Variants in SPTB observed in about 807,000 individuals in gnomAD.
The protein encoded by SPTB is spectrin beta, erythrocytic.
SPTB carries 45 observed loss-of-function variants against 256.2 expected under a neutral mutation model. That is an observed-to-expected ratio of 0.18 (90% confidence interval 0.14 to 0.23). The LOEUF is 0.23. Among genes scored for constraint, SPTB ranks in the 10% least tolerant of loss-of-function variants. The pLI, the probability that SPTB is intolerant of heterozygous loss-of-function variation, is 1.00. For missense variants in SPTB, 2,715 were observed against 3,040.4 expected, an observed-to-expected ratio of 0.89 and a Z score of 2.52; for synonymous variants, 1,231 against 1,243.1, an observed-to-expected ratio of 0.99 and a Z score of 0.21.
rs7146475 is a variant in SPTB, at chr14:64,845,849, T to C, written c.-51-22704A>G. On this transcript the variant is annotated intron_variant, in intron 1 of 35. Coordinates refer to ENST00000644917, the MANE Select transcript of SPTB (RefSeq NM_001355436.2). The surrounding 1 kb of genome is among the most constrained non-coding windows in gnomAD (Gnocchi z 4.8). Reference sequence around the variant, plus strand: ...TAATTTTTAATGTGTGTGTGTGTTATTTATGAAACACATTTCATGGTCAGG... The same window carrying C: ...TAATTTTTAATGTGTGTGTGTGTTACTTATGAAACACATTTCATGGTCAGG... Among the ~76,000 whole-genome samples the C allele has an allele frequency of 0.076, 11,520 of 152,288 alleles. 675 individuals are homozygous for C. Among genetic ancestry groups the C allele is most frequent in the South Asian group, 0.2 (975 of 4,816 alleles).
chr14:64,766,586 T>C, intron 32 of SPTB, 140 bp downstream of exon 32: 1 of 1,598,678 alleles, frequency 6.3e-7, no homozygotes, highest in Non-Finnish European at 8.5e-7. Context: ...TGCTGGGAGG[T>C]GGCTGCAGGG....
rs1270020211 is a variant in SPTB at position 64,750,143 on chromosome 14, T to C, written c.6614A>G (p.Asn2205Ser). The change falls in exon 34 of 36, where the codon AAC becomes AGC. Residue 2205 changes from asparagine (N) to serine (S), a missense_variant. Asn to Ser is a conservative substitution (Grantham distance 46). Transcript: ENST00000644917. ...NKKASNRSWN[N>S]LYCVLRNSEL... is the part of the protein sequence containing the mutation. The stretch of plus-strand genomic sequence containing the variant: ...ACTGTTCCTGAGCACACAGTACAGG[T>C]TGTTCCAGGACCTGCAAAGATGCAG... 4.3e-6 allele frequency: 7 copies of C among 1,612,532 alleles called. No homozygotes were observed. The highest frequency in any genetic ancestry group is 5.9e-6 in the Non-Finnish European group (7 of 1,178,722).
Position 64,841,820 on chromosome 14 carries a change from G to A in SPTB, c.-51-18675C>T, listed in dbSNP as rs1044302516. Among the ~76,000 whole-genome samples, 30 of 152,128 alleles carry A rather than the reference G, an allele frequency of 2.0e-4. No individual in the cohort carries two copies. The highest frequency in any genetic ancestry group is 4.2e-4 in the South Asian group (2 of 4,818). On this transcript the variant is annotated intron_variant, in intron 1 of 35. Coordinates refer to ENST00000644917, the MANE Select transcript of SPTB (RefSeq NM_001355436.2). The surrounding 1 kb of genome is among the most constrained non-coding windows in gnomAD (Gnocchi z 4.6). ...TATTTGCAAAAGAAGGGAAACCCCC[G>A]CGTATGGAACCAGAAGAGGGTTTCT... is the stretch of plus-strand genomic sequence containing the variant.
In SPTB at chr14:64,749,965, G is replaced by T. The variant is rs775616758; in HGVS notation, c.6776+16C>A. On this transcript the variant is annotated intron_variant, in intron 34 of 35. Transcript: ENST00000644917. The surrounding 1 kb of genome is among the most constrained non-coding windows in gnomAD (Gnocchi z 4.7). ...AAGCCATCAACCCGAGCTTTCAAAG[G>T]CCAGGAAGGCCTCACCTCAGCTTAA... is the stretch of plus-strand genomic sequence containing the variant. The T allele has an allele frequency of 1.4e-5, 23 of 1,614,060 alleles. No individual in the cohort carries two copies. The highest frequency in any genetic ancestry group is 1.9e-5 in the Non-Finnish European group (22 of 1,180,048).
rs377560569 is a variant in SPTB, at chr14:64,786,477, G to A, written c.3488C>T (p.Thr1163Ile). Residue 1163 changes from threonine (T) to isoleucine (I), a missense_variant, in exon 16 of 36, where the codon ACC (threonine) becomes ATC (isoleucine). Thr to Ile is a moderately conservative substitution (Grantham distance 89). Coordinates refer to ENST00000644917, the MANE Select transcript of SPTB (RefSeq NM_001355436.2). This position sits in a 1 kb window ranked among gnomAD's most constrained non-coding sequence, Gnocchi z 5.6. ...CTGGAAGCCAAGGCACTGAGCGAGG[G>A]TGTGGCTGCGGCTCTCCCACATCCT... Reference protein sequence around the residue: ...LGRMWESRSHTLAQCLGFQEF... With the variant: ...LGRMWESRSHILAQCLGFQEF... 4.3e-6 allele frequency: 7 copies of A among 1,614,142 alleles called. No individual in the cohort carries two copies. Among genetic ancestry groups the A allele is most frequent in the Non-Finnish European group, 5.9e-6 (7 of 1,180,028 alleles).
At chr14:64,803,503 G>T in intron 4 of SPTB, 104 bp downstream of exon 4, 1 of 1,433,240 alleles carries the variant, frequency 7.0e-7, no homozygotes, top group Non-Finnish European at 9.8e-7. Context: ...AGCCTTCCCA[G>T]AATGTGCACT....
intron 2 of SPTB, among the ~76,000 whole-genome samples, chr14:64,813,539 C>T (rs1376760706): frequency 2.6e-5 from 4 of 151,962 alleles, no homozygotes; most frequent in Non-Finnish European, 2.9e-5. Context: ...GTTTGTTTTT[C>T]GAGATGGAGT....
chr14:64,768,602 T>G (rs962324091), intron 29 of SPTB, among the ~76,000 whole-genome samples: 5 of 151,938 alleles, frequency 3.3e-5, no homozygotes, highest in Non-Finnish European at 7.4e-5. Context: ...TGCTTGACAT[T>G]CCTCATGAGG....
chr14:64,748,063 G>C lies in SPTB; in HGVS notation c.*1243C>G, dbSNP rs2081876492. ...GTGACCCCCTCCCCGCCAAGACCTG[G>C]GGCCAGGACGTGGAGAAGCTGATCA... On this transcript the variant is annotated 3_prime_UTR_variant, in exon 36 of 36. Coordinates refer to ENST00000644917, the MANE Select transcript of SPTB (RefSeq NM_001355436.2). 1 of 152,160 alleles carries C rather than the reference G, an allele frequency of 6.6e-6. No individual in the cohort carries two copies. Among genetic ancestry groups the C allele is most frequent in the Non-Finnish European group, 1.5e-5 (1 of 68,112 alleles). The allele number at this position is 152,160 out of a possible 1,614,324, so 9.4% of individuals were successfully genotyped here. A position where few individuals can be genotyped will look rare whatever the true frequency, so the allele number is the denominator to read the frequency against.
chr14:64,856,290 C>T (rs1215455441), intron 1 of SPTB, among the ~76,000 whole-genome samples: 1 of 152,148 alleles, frequency 6.6e-6, no homozygotes, highest in Non-Finnish European at 1.5e-5. Flanking sequence ...GGCCAAGAGT[C>T]CTTCCCAAAC....
At chr14:64,879,637 C>A (rs1171441439) in intron 1 of SPTB, among the ~76,000 whole-genome samples, 155 bp downstream of exon 1, 1 of 152,118 alleles carries the variant, frequency 6.6e-6, no homozygotes, top group African/African-American at 2.4e-5. Flanking sequence ...TCCCACCCCA[C>A]GCCCGACAAC....
At chr14:64,810,140 G>A (rs1039763113) in intron 2 of SPTB, among the ~76,000 whole-genome samples, 1 of 152,194 alleles carries the variant, frequency 6.6e-6, no homozygotes, top group Non-Finnish European at 1.5e-5. Context: ...TAGTAAAACT[G>A]TGTTGTACTA....
At chr14:64,798,273 C>T (rs2082814930) in intron 9 of SPTB, among the ~76,000 whole-genome samples, 1 of 152,150 alleles carries the variant, frequency 6.6e-6, no homozygotes, top group African/African-American at 2.4e-5. Flanking sequence ...CAATAAAACC[C>T]CAGAAGCAGC....
At position 64,826,021 on chromosome 14, in the gene SPTB, AC is replaced by A. The variant is rs1320246963; in HGVS notation, c.-51-2877del. Among the ~76,000 whole-genome samples the A allele has an allele frequency of 6.6e-6, 1 of 152,200 alleles. No individual in the cohort carries two copies. The highest frequency in any genetic ancestry group is 1.5e-5 in the Non-Finnish European group (1 of 68,042). On this transcript the variant is annotated intron_variant, in intron 1 of 35. Coordinates refer to ENST00000644917, the MANE Select transcript of SPTB (RefSeq NM_001355436.2). This position sits in a 1 kb window ranked among gnomAD's most constrained non-coding sequence, Gnocchi z 4.4. Reference sequence around the variant, plus strand: ...TTTGGAAAGAGTCAGGTCCCTGAAAACAAACACCAAGGAAAGATGATTCAGA... The same window carrying A: ...TTTGGAAAGAGTCAGGTCCCTGAAAAAAACACCAAGGAAAGATGATTCAGA...
In SPTB at chr14:64,785,889, C is replaced by G; in HGVS notation, c.3624G>C (p.Arg1208=). 6.2e-7 allele frequency: 1 copy of G among 1,614,160 alleles called. No individual in the cohort carries two copies. Among genetic ancestry groups the G allele is most frequent in the African/African-American group, 1.3e-5 (1 of 75,036 alleles). ...TAGACCCCAAGAAATCCTCAAACTT[C>G]CGGATCCCAGCCTCTGCAGCTTCCA... ...DSLEAAEAGI[R]KFEDFLGSME... is the part of the protein sequence containing the mutation. Residue 1208 remains arginine, a synonymous_variant, in exon 17 of 36, where the codon CGG becomes CGC. Coordinates refer to ENST00000644917, the MANE Select transcript of SPTB (RefSeq NM_001355436.2). This position sits in a 1 kb window ranked among gnomAD's most constrained non-coding sequence, Gnocchi z 4.4.
At position 64,772,980 on chromosome 14, in the gene SPTB, G is replaced by A. The variant is rs754189933; in HGVS notation, c.5179-26C>T. On this transcript the variant is annotated intron_variant, in intron 25 of 35. Transcript: ENST00000644917. This position sits in a 1 kb window ranked among gnomAD's most constrained non-coding sequence, Gnocchi z 5.4. ...CTAGGCATGGGGCAGACAGAAATGT[G>A]GTTATGGGGGGCACAGGGGTTACAG... 6.3e-7 allele frequency: 1 copy of A among 1,591,830 alleles called. No homozygotes were observed. The highest frequency in any genetic ancestry group is 1.3e-5 in the African/African-American group (1 of 74,730).
chr14:64,867,859 C>CAAA (rs35825614), intron 1 of SPTB, among the ~76,000 whole-genome samples: 7 of 124,076 alleles, frequency 5.6e-5, no homozygotes, highest in African/African-American at 2.7e-4. Flanking sequence ...GACTCTGTCT[C>CAAA]AAAAAAAAAA....
chr14:64,796,443 C>G lies in SPTB; in HGVS notation c.1341+114G>C, dbSNP rs2082770039. 5 of 1,407,908 alleles carry G rather than the reference C, an allele frequency of 3.6e-6. No individual in the cohort carries two copies. In the South Asian group the frequency reaches 5.8e-5, roughly 16 times the overall value. 87.2% of individuals were successfully genotyped at this position (1,407,908 alleles called of 1,614,324 possible). Reference sequence around the variant, plus strand: ...TCCACTGGATCACGGGGGAGCTGTGCTGCAAGGCACGAGGAGAGGCTGTGA... The same window carrying G: ...TCCACTGGATCACGGGGGAGCTGTGGTGCAAGGCACGAGGAGAGGCTGTGA... On this transcript the variant is annotated intron_variant, in intron 11 of 35. Coordinates refer to ENST00000644917, the MANE Select transcript of SPTB (RefSeq NM_001355436.2). The surrounding 1 kb of genome is among the most constrained non-coding windows in gnomAD (Gnocchi z 4.1).
Position 64,785,336 on chromosome 14 carries a change from T to C in SPTB, c.3855+201A>G, listed in dbSNP as rs2082544466. On this transcript the variant is annotated intron_variant, in intron 18 of 35. Transcript: ENST00000644917. The surrounding 1 kb of genome is among the most constrained non-coding windows in gnomAD (Gnocchi z 4.4). ...TGGCCTAGACTTGACAGGTTAAGGA[T>C]GACTTTTCAGATTTGAAAAAAAAAA... Among the ~76,000 whole-genome samples the C allele has an allele frequency of 6.6e-6, 1 of 151,142 alleles. No individual in the cohort carries two copies. Among genetic ancestry groups the C allele is most frequent in the Non-Finnish European group, 1.5e-5 (1 of 67,746 alleles).
Sources: gnomAD v4.1 joint callset for allele counts (sites outside exome capture counted in the v4.1 genomes callset) on GRCh38, gnomAD v4.1.1 for gene constraint, Gnocchi (gnomAD v3.1) non-coding constraint, MANE v1.5 for transcripts, NCBI Gene and HGNC (gene_info 2026-07-23, HGNC 2026-07-21) for gene names.